The following ZC3H4 variants were observed in gnomAD, a reference collection of about 807,000 sequenced individuals.
ZC3H4 encodes zinc finger CCCH-type containing 4.
A neutral mutation model predicts 108.3 loss-of-function variants in ZC3H4; 13 were observed. That is an observed-to-expected ratio of 0.12 (90% CI 0.08 to 0.19). The LOEUF (loss-of-function observed/expected upper bound fraction) is 0.19, where lower values mean the gene tolerates loss of function less well. Among genes scored for constraint, ZC3H4 ranks in the 10% least tolerant of loss-of-function variants. The pLI is 1.00. For synonymous variants in ZC3H4, 917 were observed against 749.6 expected, an observed-to-expected ratio of 1.22 and a Z score of -3.65; for missense variants, 1,734 against 1,838.8, an observed-to-expected ratio of 0.94 and a Z score of 1.04.
chr19:47,099,151 T>C (rs1173311055), intron 2 of ZC3H4, among the ~76,000 whole-genome samples: 1 of 152,118 alleles, frequency 6.6e-6, no homozygotes, highest in Non-Finnish European at 1.5e-5. Context: ...GTGGGAAGCA[T>C]GTTCTCTATA....
At position 47,085,155 on chromosome 19, in the gene ZC3H4, C is replaced by T. The variant is rs1013020643; in HGVS notation, c.1008G>A (p.Gly336=). Residue 336 remains glycine (G), a synonymous_variant, in exon 8 of 15, where the codon GGG becomes GGA. Transcript: ENST00000253048. The part of the protein sequence containing the change: ...RGRGRGSRGR[G]KGMGRGRGRG... ...GGCCTCGGCCCCGACCCATTCCTTT[C>T]CCTCGACCTCGGGAGCCCCTGCCAC... The T allele has an allele frequency of 2.5e-6, 4 of 1,613,538 alleles. No individual in the cohort carries two copies. The Admixed American group carries it at 6.7e-5, about 27-fold the overall frequency.
chr19:47,112,762 C>T (rs1458059260), intron 1 of ZC3H4, among the ~76,000 whole-genome samples, 173 bp from the exon 2 acceptor site: 1 of 152,184 alleles, frequency 6.6e-6, no homozygotes, highest in African/African-American at 2.4e-5. Context: ...CTCGGAGGGC[C>T]GCTCGCCGCC....
intron 4 of ZC3H4, among the ~76,000 whole-genome samples, chr19:47,091,573 C>A (rs552117982): frequency 1.4e-5 from 2 of 145,906 alleles, no homozygotes; most frequent in South Asian, 4.4e-4. Flanking sequence ...GACTCTGTCT[C>A]AAAAAATAAT....
intron 9 of ZC3H4, among the ~76,000 whole-genome samples, chr19:47,082,582 G>C (rs2057544108): frequency 6.6e-6 from 1 of 152,066 alleles, no homozygotes; most frequent in Admixed American, 6.6e-5. Context: ...CAAAGCGCTG[G>C]GATTATAGCC....
chr19:47,106,046 C>CA (rs1028556493), intron 2 of ZC3H4, among the ~76,000 whole-genome samples: 1 of 152,198 alleles, frequency 6.6e-6, no homozygotes, highest in Non-Finnish European at 1.5e-5. Flanking sequence ...GGTTTCTCCT[C>CA]AAACAGCAGA....
At chr19:47,112,318 TCCTCCTCCTCCTCCG>T in intron 2 of ZC3H4, 91 bp downstream of exon 2, 1 of 1,144,950 alleles carries the variant, frequency 8.7e-7, no homozygotes. Context: ...CTCCTCCTCC[TCCTCCTCCTCCTCCG>T]CGGCCCGGCC....
chr19:47,077,542 C>A (rs2057445133), intron 11 of ZC3H4, among the ~76,000 whole-genome samples: 1 of 151,630 alleles, frequency 6.6e-6, no homozygotes, highest in South Asian at 2.1e-4. Context: ...GCTTAAAGCA[C>A]TCAGATAAAT....
At chr19:47,102,598 G>C (rs954851816) in intron 2 of ZC3H4, among the ~76,000 whole-genome samples, 4 of 152,106 alleles carry the variant, frequency 2.6e-5, no homozygotes, top group Non-Finnish European at 4.4e-5. Flanking sequence ...GCACTTAGCA[G>C]GAACCTTGCC....
At chr19:47,102,582 A>AC (rs1238385000) in intron 2 of ZC3H4, among the ~76,000 whole-genome samples, 7 of 152,180 alleles carry the variant, frequency 4.6e-5, no homozygotes, top group Non-Finnish European at 1.0e-4. Context: ...AGGCCATGTA[A>AC]CACAAGCACT....
At chr19:47,099,439 A>G (rs1259782220) in intron 2 of ZC3H4, among the ~76,000 whole-genome samples, 1 of 151,840 alleles carries the variant, frequency 6.6e-6, no homozygotes, top group Non-Finnish European at 1.5e-5. Flanking sequence ...AGCCTGGGCA[A>G]CAAGAGTGAA....
At chr19:47,101,191 T>A (rs2123059201) in intron 2 of ZC3H4, among the ~76,000 whole-genome samples, 1 of 151,388 alleles carries the variant, frequency 6.6e-6, no homozygotes, top group African/African-American at 2.4e-5. Context: ...AATACAAAAC[T>A]TAGCCTGGCA....
Position 47,086,535 on chromosome 19 carries a change from C to T in ZC3H4, c.719G>A (p.Ser240Asn). 2 of 1,586,378 alleles carry T rather than the reference C, an allele frequency of 1.3e-6. No individual in the cohort carries two copies. Among genetic ancestry groups the T allele is most frequent in the South Asian group, 2.2e-5 (2 of 89,212 alleles). ...CCTGTAGCCCCGGCCCCGGCCTCGG[C>T]TGCCTGCATGGAGATTCAGATAGTG... ...AKEGSSRGRGSRGRGRGYRGR... is the reference protein window; with the variant it reads ...AKEGSSRGRGNRGRGRGYRGR... The change falls in exon 6 of 15, where the codon AGC (serine) becomes AAC (asparagine). Residue 240 changes from serine to asparagine, a missense_variant. Physicochemically the swap from Ser to Asn is conservative, Grantham distance 46. Around this residue, in one of 9 missense-constraint regions of ZC3H4, gnomAD observed 403 missense variants for 457.0 expected, o/e 0.88. Coordinates refer to ENST00000253048, the MANE Select transcript of ZC3H4 (RefSeq NM_015168.2).
At chr19:47,102,769 CAA>C (rs199731678) in intron 2 of ZC3H4, among the ~76,000 whole-genome samples, 18 of 102,934 alleles carry the variant, frequency 1.7e-4, no homozygotes, top group Non-Finnish European at 1.3e-4. Context: ...GGAATTCTGG[CAA>C]AAAAAAAAAA....
chr19:47,094,159 T>C (rs2057784035), intron 3 of ZC3H4, 79 bp from the exon 4 acceptor site: 4 of 1,395,710 alleles, frequency 2.9e-6, no homozygotes, highest in South Asian at 2.4e-5. Context: ...GGACAAACTA[T>C]GCTGGCATGT....
chr19:47,071,046 G>A (rs1056857427), intron 13 of ZC3H4, among the ~76,000 whole-genome samples: 4 of 152,138 alleles, frequency 2.6e-5, no homozygotes, highest in African/African-American at 4.8e-5. Context: ...TGTGAGTGCC[G>A]CTTCACTTCT....
At chr19:47,107,718 T>C (rs1433721058) in intron 2 of ZC3H4, among the ~76,000 whole-genome samples, 2 of 151,190 alleles carry the variant, frequency 1.3e-5, no homozygotes, top group East Asian at 1.9e-4. Flanking sequence ...AGAGGCCGTA[T>C]CTTCATTTTT....
At chr19:47,071,189 G>A (rs2057318790) in intron 13 of ZC3H4, among the ~76,000 whole-genome samples, 1 of 152,192 alleles carries the variant, frequency 6.6e-6, no homozygotes, top group Non-Finnish European at 1.5e-5. Context: ...CTTGCCACCT[G>A]CTTGTTTCCA....
chr19:47,089,694 C>G (rs935491659), intron 5 of ZC3H4, among the ~76,000 whole-genome samples: 4 of 106,470 alleles, frequency 3.8e-5, no homozygotes, highest in African/African-American at 1.0e-4. Flanking sequence ...GAAAGAGAAG[C>G]TGTTCCCTTC....
intron 3 of ZC3H4, 152 bp from the exon 4 acceptor site, chr19:47,094,232 T>TA: frequency 9.0e-7 from 1 of 1,112,940 alleles, no homozygotes; most frequent in Non-Finnish European, 1.3e-6. Context: ...CAATGAAGCA[T>TA]AAGCTACCAA....
Sources: allele counts gnomAD v4.1 joint callset (sites outside exome capture counted in the v4.1 genomes callset), GRCh38; gene constraint gnomAD v4.1.1; regional missense constraint gnomAD v4.1.1; transcripts MANE v1.5; gene names NCBI Gene and HGNC (gene_info 2026-07-23, HGNC 2026-07-21).